Variants in MX2 observed in about 807,000 individuals in gnomAD.
MX2 encodes the protein interferon-induced GTP-binding protein Mx2.
In MX2, 51 loss-of-function variants were observed where a neutral mutation model predicts 74.0. The ratio of observed to expected loss-of-function variants is 0.69; its 90% CI spans 0.55 to 0.87. The LOEUF (loss-of-function observed/expected upper bound fraction) is 0.87. MX2 is among the 40% of genes least tolerant of loss of function. MX2 has a pLI of 0.00. For missense variants in MX2, 832 were observed against 908.7 expected, an observed-to-expected ratio of 0.92 and a Z score of 1.09; for synonymous variants, 369 against 339.3, an observed-to-expected ratio of 1.09 and a Z score of -0.96.
At chr21:41,401,685 G>GTTT (rs5844074) in intron 10 of MX2, 20,369 of 190,242 alleles carry the variant, frequency 0.11, 1,255 homozygotes, top group African/African-American at 0.18. Context: ...TTCTAATCAG[G>GTTT]TTTTTTTTTT....
chr21:41,396,481 G>C (rs1301507924), intron 7 of MX2, among the ~76,000 whole-genome samples: 1 of 18,860 alleles, frequency 5.3e-5, no homozygotes, highest in African/African-American at 7.0e-4. Flanking sequence ...AGAGCTAATG[G>C]GAAAACTGAA....
chr21:41,396,378 T>C (rs1380180757), intron 7 of MX2, among the ~76,000 whole-genome samples: 1 of 152,236 alleles, frequency 6.6e-6, no homozygotes, highest in Non-Finnish European at 1.5e-5. Flanking sequence ...GACGCTGGGA[T>C]TGTTCCCATT....
Position 41,368,419 on chromosome 21 carries a change from G to A in MX2, c.-72+6364G>A, listed in dbSNP as rs1219460369. 2.0e-5 allele frequency among the ~76,000 whole-genome samples: 3 copies of A among 152,100 alleles called. No homozygotes were observed. The highest frequency in any genetic ancestry group is 2.1e-4 in the South Asian group (1 of 4,820). Reference sequence around the variant, plus strand: ...CCTACATTCCTTACTCAACAGGCCCGTGTCAGAAAATCCTCCCTAAACTGC... The same window carrying A: ...CCTACATTCCTTACTCAACAGGCCCATGTCAGAAAATCCTCCCTAAACTGC... On this transcript the variant is annotated intron_variant, in intron 1 of 13. Coordinates refer to ENST00000330714, the MANE Select transcript of MX2 (RefSeq NM_002463.2). This position sits in a 1 kb window ranked among gnomAD's most constrained non-coding sequence, Gnocchi z 4.6.
At chr21:41,373,219 A>G (rs367815297) in intron 1 of MX2, among the ~76,000 whole-genome samples, 2 of 152,332 alleles carry the variant, frequency 1.3e-5, no homozygotes, top group South Asian at 4.1e-4. Flanking sequence ...AGAGTGGATG[A>G]AGACTCACAT....
In MX2 at chr21:41,377,606, G is replaced by A. The variant is rs2089423238; in HGVS notation, c.250-183G>A. On this transcript the variant is annotated intron_variant, in intron 2 of 13. Transcript: ENST00000330714. The stretch of plus-strand genomic sequence containing the variant: ...AAATCCTCCCAGCATCTGCCCCTGT[G>A]AGGCCTCAATAGGAACAGAACAGAA... Among the ~76,000 whole-genome samples, 4 of 152,280 alleles carry A rather than the reference G, an allele frequency of 2.6e-5. No individual in the cohort carries two copies. In the South Asian group the frequency reaches 8.3e-4, roughly 32 times the overall value.
At chr21:41,397,795 A>C in intron 8 of MX2, 104 bp downstream of exon 8, 1 of 928,002 alleles carries the variant, frequency 1.1e-6, no homozygotes, top group Non-Finnish European at 1.7e-6. Context: ...CCAAACAAGC[A>C]AACAAGTACC....
Position 41,368,739 on chromosome 21 carries a change from G to T in MX2, c.-72+6684G>T, listed in dbSNP as rs1375523021. On this transcript the variant is annotated intron_variant, in intron 1 of 13. Coordinates refer to ENST00000330714, the MANE Select transcript of MX2 (RefSeq NM_002463.2). This position sits in a 1 kb window ranked among gnomAD's most constrained non-coding sequence, Gnocchi z 4.6. ...CACAAAAGGAACCCTCCTTTCCCTTGTTCTTTCTTCCCATGGAGAGGAAGA... is the reference window on the plus strand; with the variant it reads ...CACAAAAGGAACCCTCCTTTCCCTTTTTCTTTCTTCCCATGGAGAGGAAGA... Among the ~76,000 whole-genome samples, 1 of 152,198 alleles carries T rather than the reference G, an allele frequency of 6.6e-6. No individual in the cohort carries two copies. The highest frequency in any genetic ancestry group is 1.5e-5 in the Non-Finnish European group (1 of 68,030).
In MX2 at chr21:41,402,816, A is replaced by AT. The variant is rs573717298; in HGVS notation, c.1574-450dup. 3.4e-4 allele frequency: 60 copies of AT among 174,438 alleles called. No homozygotes were observed. Among genetic ancestry groups the AT allele is most frequent in the Non-Finnish European group, 6.2e-4 (50 of 80,578 alleles). The allele number at this position is 174,438 out of a possible 1,614,324, so 10.8% of individuals were successfully genotyped here. A position where few individuals can be genotyped will look rare whatever the true frequency, so the allele number is the denominator to read the frequency against. ...ACAGATCGTCAGGCATTAGATTCTC[A>AT]TAAGGAACACGCAACCTAGATCCCT... is the stretch of plus-strand genomic sequence containing the variant. On this transcript the variant is annotated intron_variant, in intron 11 of 13. Coordinates refer to ENST00000330714, the MANE Select transcript of MX2 (RefSeq NM_002463.2). This position sits in a 1 kb window ranked among gnomAD's most constrained non-coding sequence, Gnocchi z 4.5.
chr21:41,390,931 G>A (rs1324972224), intron 6 of MX2, among the ~76,000 whole-genome samples: 3 of 151,936 alleles, frequency 2.0e-5, no homozygotes, highest in African/African-American at 4.8e-5. Context: ...GCGTGAACCC[G>A]GGAGGCGGAG....
intron 5 of MX2, among the ~76,000 whole-genome samples, chr21:41,385,343 C>T (rs1223635226): frequency 6.6e-6 from 1 of 152,190 alleles, no homozygotes; most frequent in Non-Finnish European, 1.5e-5. Flanking sequence ...TCCCATAATC[C>T]CCACGTGTCG....
At position 41,390,561 on chromosome 21, in the gene MX2, T is replaced by A; in HGVS notation, c.733-4T>A. ...TCTTTCTTTGTGCGATTCTTTGGCA[T>A]CAGATCAAGGCTCTCATCAAGAAGT... is the stretch of plus-strand genomic sequence containing the variant. On this transcript the variant is annotated splice_region_variant and splice_polypyrimidine_tract_variant and intron_variant, in intron 5 of 13. Coordinates refer to ENST00000330714, the MANE Select transcript of MX2 (RefSeq NM_002463.2). 2 of 1,614,036 alleles carry A rather than the reference T, an allele frequency of 1.2e-6. No individual in the cohort carries two copies. The highest frequency in any genetic ancestry group is 1.7e-6 in the Non-Finnish European group (2 of 1,179,952).
intron 13 of MX2, among the ~76,000 whole-genome samples, chr21:41,407,554 C>T (rs905082297): frequency 3.3e-4 from 50 of 152,306 alleles, no homozygotes; most frequent in African/African-American, 1.1e-3. Context: ...CTCCCGAAGC[C>T]CTTTCTCAAT....
Position 41,376,918 on chromosome 21 carries a change from C to A in MX2, c.12C>A (p.Ala4=), listed in dbSNP as rs931555060. 1 of 1,613,802 alleles carries A rather than the reference C, an allele frequency of 6.2e-7. No homozygotes were observed. Among genetic ancestry groups the A allele is most frequent in the African/African-American group, 1.3e-5 (1 of 74,898 alleles). The change falls in exon 2 of 14, where the codon GCC becomes GCA. Residue 4 remains alanine (A), a synonymous_variant. Coordinates refer to ENST00000330714, the MANE Select transcript of MX2 (RefSeq NM_002463.2). Reference sequence around the variant, plus strand: ...CAGGGAGACAGCACATGTCTAAGGCCCACAAGCCTTGGCCCTACCGGAGGA... The same window carrying A: ...CAGGGAGACAGCACATGTCTAAGGCACACAAGCCTTGGCCCTACCGGAGGA... MSK[A]HKPWPYRRRS...
chr21:41,377,843 G>A lies in MX2; in HGVS notation c.304G>A (p.Asp102Asn). ...CGAGCAGAAGGTGCGCCCCTGCATT[G>A]ACCTCATCGACTCCCTGCGGGCTCT... ...QYEQKVRPCI[D>N]LIDSLRALGV... Residue 102 changes from aspartate to asparagine, a missense_variant, in exon 3 of 14, where the codon GAC becomes AAC. Asp to Asn is a conservative substitution (Grantham distance 23). Coordinates refer to ENST00000330714, the MANE Select transcript of MX2 (RefSeq NM_002463.2). The A allele has an allele frequency of 6.2e-7, 1 of 1,614,210 alleles. No homozygotes were observed. Among genetic ancestry groups the A allele is most frequent in the Non-Finnish European group, 8.5e-7 (1 of 1,180,038 alleles).
intron 6 of MX2, among the ~76,000 whole-genome samples, chr21:41,393,010 G>T (rs1248470759): frequency 6.7e-6 from 1 of 150,180 alleles, no homozygotes; most frequent in Non-Finnish European, 1.5e-5. Flanking sequence ...GGAGGCTGAG[G>T]CACGAGAATC....
chr21:41,371,198 G>C (rs557140350), intron 1 of MX2, among the ~76,000 whole-genome samples: 1 of 152,198 alleles, frequency 6.6e-6, no homozygotes, highest in African/African-American at 2.4e-5. Flanking sequence ...TCGTCATCTC[G>C]AGTGAAGCTG....
At chr21:41,364,316 C>G (rs2089243775) in intron 1 of MX2, 1 of 152,202 alleles carries the variant, frequency 6.6e-6, no homozygotes, top group Admixed American at 6.5e-5. Flanking sequence ...TAGGGAAACT[C>G]CCTCCCCTTT....
chr21:41,395,611 T>C lies in MX2; in HGVS notation c.896T>C (p.Met299Thr). The change falls in exon 7 of 14, where the codon ATG becomes ACG. Residue 299 changes from methionine (M) to threonine (T), a missense_variant. Met to Thr is a moderately conservative substitution (Grantham distance 81). Coordinates refer to ENST00000330714, the MANE Select transcript of MX2 (RefSeq NM_002463.2). ...GGTATCCTGACCAAACCAGATCTAA[T>C]GGACAGGGGCACTGAGAAAAGCGTC... ...TIGILTKPDL[M>T]DRGTEKSVMN... 1 of 1,614,126 alleles carries C rather than the reference T, an allele frequency of 6.2e-7. No individual in the cohort carries two copies. The highest frequency in any genetic ancestry group is 8.5e-7 in the Non-Finnish European group (1 of 1,180,030).
intron 1 of MX2, among the ~76,000 whole-genome samples, chr21:41,372,529 T>A (rs1380022868): frequency 6.6e-6 from 1 of 151,346 alleles, no homozygotes; most frequent in Non-Finnish European, 1.5e-5. Flanking sequence ...TTTAAAGCTA[T>A]TTTTTTTTAA....
Sources: allele counts gnomAD v4.1 joint callset (sites outside exome capture counted in the v4.1 genomes callset), GRCh38; gene constraint gnomAD v4.1.1; non-coding constraint Gnocchi (gnomAD v3.1); transcripts MANE v1.5; gene names NCBI Gene and HGNC (gene_info 2026-07-23, HGNC 2026-07-21).